AR: variants seen among roughly 807,000 people sequenced by gnomAD.
AR encodes the protein androgen receptor.
In AR, 8 loss-of-function variants were observed where a neutral mutation model predicts 53.9. The ratio of observed to expected loss-of-function variants is 0.15; its 90% CI spans 0.09 to 0.27. AR has a LOEUF of 0.27. Among genes scored for constraint, AR ranks in the 10% least tolerant of loss-of-function variants. AR has a pLI of 1.00. For synonymous variants in AR, 359 were observed against 316.4 expected (o/e 1.13, Z -1.43); for missense variants, 639 against 742.5 (o/e 0.86, Z 1.62).
chrX:67,577,489 C>T (rs1346179090), intron 1 of AR, among the ~76,000 whole-genome samples: 1 of 111,222 alleles, frequency 9.0e-6, no homozygotes, highest in Non-Finnish European at 1.9e-5. Context: ...CCTTGGTATA[C>T]ACCTAGGAGT....
chrX:67,696,547 T>G (rs2076021514), intron 3 of AR, among the ~76,000 whole-genome samples: 2 of 111,994 alleles, frequency 1.8e-5, no homozygotes, highest in African/African-American at 6.5e-5. Flanking sequence ...TTAGACTAAA[T>G]AGTCCAACAT....
At chrX:67,563,756 A>G (rs185573122) in intron 1 of AR, among the ~76,000 whole-genome samples, 2 of 112,405 alleles carry the variant, frequency 1.8e-5, no homozygotes, top group Non-Finnish European at 3.8e-5. Context: ...TGTGCTTCAA[A>G]GTGTGAGACA....
At chrX:67,626,881 T>C (rs1190774224) in intron 1 of AR, among the ~76,000 whole-genome samples, 1 of 99,034 alleles carries the variant, frequency 1.0e-5, no homozygotes, top group African/African-American at 3.7e-5. Context: ...ACATGCGGTG[T>C]TTGGTTTTTT....
intron 2 of AR, among the ~76,000 whole-genome samples, chrX:67,684,694 A>T (rs994884984): frequency 1.8e-5 from 2 of 111,960 alleles, no homozygotes; most frequent in Non-Finnish European, 3.8e-5. Flanking sequence ...AACTAATCTT[A>T]TGTTCTTGCA....
intron 3 of AR, among the ~76,000 whole-genome samples, chrX:67,703,666 T>A (rs1569310397): frequency 4.5e-5 from 5 of 112,204 alleles, no homozygotes; most frequent in African/African-American, 1.3e-4. Context: ...TTTATTATAC[T>A]TTAAGTTCTA....
intron 1 of AR, among the ~76,000 whole-genome samples, chrX:67,574,557 A>G (rs991842510): frequency 2.7e-5 from 3 of 111,257 alleles, no homozygotes; most frequent in African/African-American, 9.8e-5. Flanking sequence ...ATCTGACTTT[A>G]TGGCCTCTCA....
intron 1 of AR, among the ~76,000 whole-genome samples, chrX:67,627,591 A>C (rs1441752929): frequency 6.3e-5 from 7 of 111,537 alleles, no homozygotes; most frequent in African/African-American, 1.6e-4. Flanking sequence ...TGCCTGTTCA[A>C]TCTGATGGTA....
chrX:67,693,117 C>A (rs751140612), intron 3 of AR, among the ~76,000 whole-genome samples: 1 of 112,604 alleles, frequency 8.9e-6, no homozygotes, highest in African/African-American at 3.2e-5. Flanking sequence ...ATGGTTAGAG[C>A]GAAGTAAATT....
intron 2 of AR, among the ~76,000 whole-genome samples, chrX:67,647,736 G>A (rs768509760): frequency 7.2e-5 from 8 of 111,167 alleles, no homozygotes; most frequent in African/African-American, 2.3e-4. Context: ...TTTTTGTAAA[G>A]GGCCATGTAG....
chrX:67,666,009 C>G (rs538712127), intron 2 of AR, among the ~76,000 whole-genome samples: 2 of 111,432 alleles, frequency 1.8e-5, no homozygotes, highest in South Asian at 3.8e-4. Flanking sequence ...ATAATAATCA[C>G]CAGAGTTAAT....
intron 1 of AR, among the ~76,000 whole-genome samples, chrX:67,550,168 G>T (rs1327255252): frequency 2.7e-5 from 3 of 111,785 alleles, no homozygotes; most frequent in Non-Finnish European, 5.6e-5. Flanking sequence ...CTTGTTCACA[G>T]CTCAAGTCAG....
intron 4 of AR, among the ~76,000 whole-genome samples, chrX:67,714,582 C>T (rs1427138416): frequency 9.1e-6 from 1 of 110,133 alleles, no homozygotes; most frequent in Non-Finnish European, 1.9e-5. Context: ...CTACAAGTTT[C>T]TGCTGCACAT....
intron 3 of AR, 129 bp downstream of exon 3, chrX:67,686,255 C>A: frequency 1.3e-6 from 1 of 756,464 alleles, no homozygotes; most frequent in Non-Finnish European, 1.9e-6. Context: ...TAGACACAGG[C>A]TGACCCTTTC....
chrX:67,551,006 T>TTTTG (rs1474047357), intron 1 of AR, among the ~76,000 whole-genome samples: 2 of 102,639 alleles, frequency 1.9e-5, no homozygotes, highest in African/African-American at 7.5e-5. Context: ...GCTGGGTTTT[T>TTTTG]TTTTTTTTTT....
At chrX:67,694,842 A>G (rs1450417249) in intron 3 of AR, 15 of 1,092,087 alleles carry the variant, frequency 1.4e-5, no homozygotes, top group Non-Finnish European at 1.5e-5. Flanking sequence ...ACAGACTTTG[A>G]CGTTGGGGTT....
chrX:67,687,121 G>A (rs1390722484), intron 3 of AR, among the ~76,000 whole-genome samples: 1 of 111,554 alleles, frequency 9.0e-6, no homozygotes, highest in East Asian at 2.9e-4. Flanking sequence ...TATTAGCCTG[G>A]AAAACCCAAG....
chrX:67,725,889 C>A lies in AR; in HGVS notation c.*2048C>A, dbSNP rs1236676073. On this transcript the variant is annotated 3_prime_UTR_variant, in exon 8 of 8. Coordinates refer to ENST00000374690, the MANE Select transcript of AR (RefSeq NM_000044.6). ...TTTTGGCACACCTGTGTTCTGTTGA[C>A]TTCGTTCTTCAAGCCCAAGTGCAAG... 1 of 173,857 alleles carries A rather than the reference C, an allele frequency of 5.8e-6. No individual in the cohort carries two copies. Among genetic ancestry groups the A allele is most frequent in the East Asian group, 8.1e-5 (1 of 12,353 alleles). The allele number at this position is 173,857 out of a possible 1,213,427, so 14.3% of individuals were successfully genotyped here.
At position 67,660,198 on chromosome X, in the gene AR, G is replaced by A. The variant is rs141861723; in HGVS notation, c.1768+16791G>A. The stretch of plus-strand genomic sequence containing the variant: ...CTCTGATGGTAGTTTCTTTTGCTAT[G>A]CAGAAGTTCTTTAGTTGAATTAGAT... On this transcript the variant is annotated intron_variant, in intron 2 of 7. Coordinates refer to ENST00000374690, the MANE Select transcript of AR (RefSeq NM_000044.6). Among the ~76,000 whole-genome samples, 328 of 112,179 alleles carry A rather than the reference G, an allele frequency of 2.9e-3. 1 individual carries two copies. The highest frequency in any genetic ancestry group is 0.01 in the African/African-American group (311 of 30,902).
rs2147531214 is a variant in AR, at chrX:67,717,626, A to G, written c.2318+4A>G. On this transcript the variant is annotated splice_donor_region_variant and intron_variant, in intron 5 of 7. Transcript: ENST00000374690. Reference sequence around the variant, plus strand: ...CCCCTGATCTGGTTTTCAATGAGTAAGTGCTCCTGGGGCCCAGACCTCACT... The same window carrying G: ...CCCCTGATCTGGTTTTCAATGAGTAGGTGCTCCTGGGGCCCAGACCTCACT... 3 of 1,212,127 alleles carry G rather than the reference A, an allele frequency of 2.5e-6. No individual in the cohort carries two copies. In the South Asian group the frequency reaches 5.3e-5, roughly 21 times the overall value.
Sources: gnomAD v4.1 joint callset for allele counts (sites outside exome capture counted in the v4.1 genomes callset) on GRCh38, gnomAD v4.1.1 for gene constraint, MANE v1.5 for transcripts, NCBI Gene and HGNC (gene_info 2026-07-23, HGNC 2026-07-21) for gene names.